The following KDM4B variants were observed in gnomAD, a reference collection of about 807,000 sequenced individuals.
The protein encoded by KDM4B is lysine demethylase 4B, also known as lysine-specific demethylase 4B.
Under a neutral mutation model 125.2 loss-of-function variants are expected in KDM4B, and 32 were observed. The observed-to-expected ratio is 0.26, with a 90% CI of 0.19 to 0.34. The LOEUF (loss-of-function observed/expected upper bound fraction) is 0.34, where lower values mean the gene tolerates loss of function less well. Among genes scored for constraint, KDM4B ranks in the 10% least tolerant of loss-of-function variants. KDM4B has a pLI of 1.00. For missense variants in KDM4B, 1,190 were observed against 1,577.7 expected (o/e 0.75, Z 4.16); for synonymous variants, 721 against 677.9 (o/e 1.06, Z -0.99).
intron 11 of KDM4B, among the ~76,000 whole-genome samples, chr19:5,123,024 C>T (rs891460805): frequency 1.4e-4 from 21 of 152,262 alleles, no homozygotes; most frequent in South Asian, 4.1e-4. Context: ...GAGAGACCCC[C>T]TGCTGGTGGG....
At chr19:5,044,469 A>C (rs564225500) in intron 5 of KDM4B, among the ~76,000 whole-genome samples, 15 of 152,246 alleles carry the variant, frequency 9.9e-5, no homozygotes, top group African/African-American at 3.4e-4. Context: ...AGTGTTGATC[A>C]GTTCATCCGC....
At position 5,081,507 on chromosome 19, in the gene KDM4B, T is replaced by C. The variant is rs1893334947; in HGVS notation, c.781-860T>C. On this transcript the variant is annotated intron_variant, in intron 8 of 22. Transcript: ENST00000159111. This position sits in a 1 kb window ranked among gnomAD's most constrained non-coding sequence, Gnocchi z 4.2. ...ACCTTGGGGTGGCTGTTGGGAAACC[T>C]TGGGTCTGGGGTCATTGTGGGCCCC... Among the ~76,000 whole-genome samples, 1 of 152,094 alleles carries C rather than the reference T, an allele frequency of 6.6e-6. No homozygotes were observed. Among genetic ancestry groups the C allele is most frequent in the Admixed American group, 6.5e-5 (1 of 15,274 alleles).
intron 2 of KDM4B, among the ~76,000 whole-genome samples, chr19:5,025,548 T>A (rs2036252223): frequency 6.6e-6 from 1 of 152,202 alleles, no homozygotes; most frequent in Non-Finnish European, 1.5e-5. Flanking sequence ...CGTGTCTCCT[T>A]GCTCTGAACC....
At chr19:5,084,897 G>A (rs2038441000) in intron 9 of KDM4B, among the ~76,000 whole-genome samples, 1 of 150,836 alleles carries the variant, frequency 6.6e-6, no homozygotes, top group Admixed American at 6.6e-5. Flanking sequence ...ATAGAGACAG[G>A]GTCTTAATAT....
chr19:5,024,962 A>C (rs959687966), intron 2 of KDM4B, among the ~76,000 whole-genome samples: 4 of 152,270 alleles, frequency 2.6e-5, no homozygotes, highest in African/African-American at 9.6e-5. Flanking sequence ...AAACAAAAAC[A>C]AAAAGGCTTT....
intron 1 of KDM4B, among the ~76,000 whole-genome samples, chr19:5,011,993 C>T (rs1031734394): frequency 1.3e-5 from 2 of 152,186 alleles, no homozygotes; most frequent in African/African-American, 2.4e-5. Flanking sequence ...TCAGCACGTG[C>T]GGGGCAGTGG....
intron 1 of KDM4B, among the ~76,000 whole-genome samples, chr19:5,011,297 G>C (rs1465134660): frequency 6.6e-6 from 1 of 152,200 alleles, no homozygotes; most frequent in African/African-American, 2.4e-5. Flanking sequence ...ATTGCTTCTA[G>C]GTTTTCTCTG....
At chr19:4,978,971 A>G (rs1436566130) in intron 1 of KDM4B, among the ~76,000 whole-genome samples, 1 of 152,176 alleles carries the variant, frequency 6.6e-6, no homozygotes, top group Non-Finnish European at 1.5e-5. Context: ...TGGTGGAAGG[A>G]GATGGAGAAT....
intron 9 of KDM4B, among the ~76,000 whole-genome samples, chr19:5,090,695 C>T (rs1487690364): frequency 8.1e-5 from 11 of 135,500 alleles, no homozygotes; most frequent in Non-Finnish European, 1.8e-4. Flanking sequence ...CATCAAGTGC[C>T]GACTCTGGGC....
intron 11 of KDM4B, among the ~76,000 whole-genome samples, chr19:5,124,894 C>G (rs1487091411): frequency 6.6e-6 from 1 of 152,060 alleles, no homozygotes; most frequent in African/African-American, 2.4e-5. Flanking sequence ...CTATGCCCAG[C>G]CTTCTTTTCT....
In KDM4B at chr19:5,082,238, C is replaced by G; in HGVS notation, c.781-129C>G. ...TGGAGCCCCTGGAGCCGCTGGATCA[C>G]CTTTGACTTTGTGAAACCCCCTTGG... On this transcript the variant is annotated intron_variant, in intron 8 of 22. Transcript: ENST00000159111. The surrounding 1 kb of genome is among the most constrained non-coding windows in gnomAD (Gnocchi z 5.4). 1 of 1,105,176 alleles carries G rather than the reference C, an allele frequency of 9.0e-7. No individual in the cohort carries two copies. The allele number at this position is 1,105,176 out of a possible 1,614,324, so 68.5% of individuals were successfully genotyped here. A position where few individuals can be genotyped will look rare whatever the true frequency, so the allele number is the denominator to read the frequency against.
At chr19:5,135,171 G>C (rs1331787521) in intron 14 of KDM4B, among the ~76,000 whole-genome samples, 168 bp from the exon 15 acceptor site, 1 of 152,204 alleles carries the variant, frequency 6.6e-6, no homozygotes, top group East Asian at 1.9e-4. Flanking sequence ...CTGACTTTCT[G>C]GAGGAGTGAG....
At chr19:4,978,431 T>TG (rs2034525201) in intron 1 of KDM4B, among the ~76,000 whole-genome samples, 1 of 129,334 alleles carries the variant, frequency 7.7e-6, no homozygotes, top group Non-Finnish European at 1.6e-5. Context: ...CGCTTGAACC[T>TG]GGGAGGTGGA....
chr19:5,040,782 C>T (rs568331649), intron 4 of KDM4B, among the ~76,000 whole-genome samples: 2 of 152,226 alleles, frequency 1.3e-5, no homozygotes, highest in Admixed American at 6.5e-5. Flanking sequence ...CCTGCTCACC[C>T]GGCCTTCCCA....
chr19:5,133,956 G>A lies in KDM4B; in HGVS notation c.1980G>A (p.Trp660Ter). 6.2e-7 allele frequency: 1 copy of A among 1,613,002 alleles called. No individual in the cohort carries two copies. The highest frequency in any genetic ancestry group is 8.5e-7 in the Non-Finnish European group (1 of 1,179,962). Reference protein sequence around the residue: ...DALRPLLSLQWKNRAASFQAE... With the variant: ...DALRPLLSLQ ...TGAGGCCGCTGCTGTCTCTGCAGTG[G>A]AAGAACAGGGCGGCCAGCTTCCAGG... The change falls in exon 14 of 23, where the codon TGG (tryptophan) becomes TGA (stop). Residue 660 changes from tryptophan to a stop codon, truncating the protein, a stop_gained. Coordinates refer to ENST00000159111, the MANE Select transcript of KDM4B (RefSeq NM_015015.3). LOFTEE classifies it high-confidence loss of function.
rs1161354297 is a variant in KDM4B, at chr19:5,026,204, G to T, written c.-25-6662G>T. ...TGAGGATCGCTAAGCCCAGGAGTTT[G>T]CCCTGGTCTCCCAGCTTCCTCTGCG... On this transcript the variant is annotated intron_variant, in intron 2 of 22. Transcript: ENST00000159111. Among the ~76,000 whole-genome samples the T allele has an allele frequency of 3.4e-5, 5 of 148,678 alleles. No individual in the cohort carries two copies. In the East Asian group the frequency reaches 8.4e-4, roughly 25 times the overall value.
At chr19:4,998,282 C>G (rs971874486) in intron 1 of KDM4B, among the ~76,000 whole-genome samples, 1 of 152,220 alleles carries the variant, frequency 6.6e-6, no homozygotes, top group African/African-American at 2.4e-5. Flanking sequence ...GGTGACCAAG[C>G]CTGTGTCTGT....
intron 21 of KDM4B, among the ~76,000 whole-genome samples, chr19:5,145,173 T>C (rs985327418): frequency 1.3e-5 from 2 of 152,090 alleles, no homozygotes; most frequent in African/African-American, 4.8e-5. Flanking sequence ...TTAACATAAG[T>C]TCTCCCTTTC....
chr19:5,095,630 GGGCT>G (rs1232391565), intron 9 of KDM4B, among the ~76,000 whole-genome samples: 1 of 152,170 alleles, frequency 6.6e-6, no homozygotes, highest in East Asian at 1.9e-4. Context: ...AGATCGCAAG[GGGCT>G]GGCCAGGGCA....
Sources: gnomAD v4.1 joint callset for allele counts (sites outside exome capture counted in the v4.1 genomes callset) on GRCh38, gnomAD v4.1.1 for gene constraint, Gnocchi (gnomAD v3.1) non-coding constraint, MANE v1.5 for transcripts, NCBI Gene and HGNC (gene_info 2026-07-23, HGNC 2026-07-21) for gene names.